The following BARD1 variants were observed in gnomAD, a reference collection of about 807,000 sequenced individuals.
BARD1 encodes BRCA1-associated RING domain protein 1.
BARD1 carries 73 observed loss-of-function variants against 77.0 expected under a neutral mutation model. That is an observed-to-expected ratio of 0.95 (90% confidence interval 0.79 to 1.15). The LOEUF (loss-of-function observed/expected upper bound fraction) is 1.15. BARD1 is among the 50% of genes most tolerant of loss of function. BARD1 has a pLI of 0.00. For synonymous variants in BARD1, 384 were observed against 338.0 expected, an observed-to-expected ratio of 1.14 and a Z score of -1.49; for missense variants, 993 against 938.8, an observed-to-expected ratio of 1.06 and a Z score of -0.75.
At chr2:214,762,922 C>A (rs894632437) in intron 6 of BARD1, among the ~76,000 whole-genome samples, 23 of 141,434 alleles carry the variant, frequency 1.6e-4, no homozygotes, top group Non-Finnish European at 9.1e-5. Flanking sequence ...TTTGATTTGA[C>A]TCTCATCACT....
chr2:214,783,201 G>A (rs1354079595), intron 3 of BARD1, among the ~76,000 whole-genome samples: 1 of 151,988 alleles, frequency 6.6e-6, no homozygotes, highest in Non-Finnish European at 1.5e-5. Flanking sequence ...ATCTGCATTT[G>A]ACCAAAAAAA....
At position 214,792,315 on chromosome 2, in the gene BARD1, G is replaced by A. The variant is rs144856889; in HGVS notation, c.346C>T (p.His116Tyr). 2.5e-4 allele frequency: 401 copies of A among 1,613,432 alleles called. No homozygotes were observed. Among genetic ancestry groups the A allele is most frequent in the Non-Finnish European group, 2.2e-4 (257 of 1,179,694 alleles). ...TTCTTACCTGACAGCTCATTGTCATGTAGCAAATTTCGAAGCTTACTACAA... is the reference window on the plus strand; with the variant it reads ...TTCTTACCTGACAGCTCATTGTCATATAGCAAATTTCGAAGCTTACTACAA... ...QLCSKLRNLL[H>Y]DNELSDLKED... Residue 116 changes from histidine to tyrosine, a missense_variant, in exon 3 of 11, where the codon CAT (histidine) becomes TAT (tyrosine). His to Tyr is a moderately conservative substitution (Grantham distance 83). Transcript: ENST00000260947.
chr2:214,796,823 G>A (rs1695774292), intron 2 of BARD1: 5 of 502,378 alleles, frequency 1.0e-5, no homozygotes, highest in Non-Finnish European at 1.8e-5. Flanking sequence ...CTCCAATTTG[G>A]CAAAGCTGTC....
chr2:214,751,151 A>ATTT (rs60746999), intron 7 of BARD1, among the ~76,000 whole-genome samples: 16 of 37,186 alleles, frequency 4.3e-4, no homozygotes, highest in South Asian at 1.1e-3. Flanking sequence ...ATATATATAT[A>ATTT]TTTTTTTTTT....
At chr2:214,771,380 T>C (rs573412586) in intron 4 of BARD1, among the ~76,000 whole-genome samples, 1 of 152,308 alleles carries the variant, frequency 6.6e-6, no homozygotes, top group Admixed American at 6.5e-5. Context: ...GTTGGTTTGA[T>C]AATGTAGAAA....
intron 1 of BARD1, among the ~76,000 whole-genome samples, chr2:214,799,477 T>C (rs1052960390): frequency 1.3e-5 from 2 of 152,192 alleles, no homozygotes; most frequent in Non-Finnish European, 2.9e-5. Flanking sequence ...TGGAACTTAA[T>C]GGTGTAAGTT....
At chr2:214,739,220 C>T (rs1043252760) in intron 9 of BARD1, among the ~76,000 whole-genome samples, 3 of 151,298 alleles carry the variant, frequency 2.0e-5, no homozygotes, top group African/African-American at 7.3e-5. Flanking sequence ...GAATTAACCA[C>T]TTTTAGTCAA....
chr2:214,805,642 T>C (rs1341492062), intron 1 of BARD1, among the ~76,000 whole-genome samples: 1 of 152,120 alleles, frequency 6.6e-6, no homozygotes, highest in Non-Finnish European at 1.5e-5. Flanking sequence ...ACCTAAATAA[T>C]GGAGCCAGGA....
At chr2:214,769,441 A>C in intron 4 of BARD1, 129 bp from the exon 5 acceptor site, 1 of 764,712 alleles carries the variant, frequency 1.3e-6, no homozygotes. Flanking sequence ...GCTACTGTTC[A>C]TGAGTTAATA....
At position 214,745,907 on chromosome 2, in the gene BARD1, A is replaced by T. The variant is rs1329251869; in HGVS notation, c.1678-53T>A. ...TTAAAAACATTAGACGACTAGACAA[A>T]GACATTAAACAGACTGTTACTTGAT... On this transcript the variant is annotated intron_variant, in intron 7 of 10. Coordinates refer to ENST00000260947, the MANE Select transcript of BARD1 (RefSeq NM_000465.4). 1.4e-5 allele frequency: 23 copies of T among 1,592,434 alleles called. No homozygotes were observed. The Admixed American group carries it at 3.7e-4, about 25-fold the overall frequency.
chr2:214,806,126 T>C (rs753949075), intron 1 of BARD1, among the ~76,000 whole-genome samples: 1 of 152,158 alleles, frequency 6.6e-6, no homozygotes, highest in Non-Finnish European at 1.5e-5. Flanking sequence ...TCTTGAACAC[T>C]TTCATCGGCT....
chr2:214,805,767 GAA>G (rs113953659), intron 1 of BARD1, among the ~76,000 whole-genome samples: 8,469 of 142,984 alleles, frequency 0.059, 424 homozygotes, highest in African/African-American at 0.14. Flanking sequence ...CAAGAACTCA[GAA>G]AAAAAAAAAT....
chr2:214,733,683 T>G (rs1692450985), intron 9 of BARD1, among the ~76,000 whole-genome samples: 1 of 152,198 alleles, frequency 6.6e-6, no homozygotes, highest in South Asian at 2.1e-4. Flanking sequence ...GTGCTTAATT[T>G]TAAATGAAAT....
intron 1 of BARD1, among the ~76,000 whole-genome samples, chr2:214,799,315 A>G (rs1332637583): frequency 1.3e-5 from 2 of 152,096 alleles, no homozygotes; most frequent in Non-Finnish European, 2.9e-5. Flanking sequence ...ATATTAAAAT[A>G]AAATAAAATA....
At chr2:214,769,368 T>C (rs1694370772) in intron 4 of BARD1, 56 bp from the exon 5 acceptor site, 6 of 1,395,982 alleles carry the variant, frequency 4.3e-6, no homozygotes, top group South Asian at 1.2e-5. Flanking sequence ...AAGGAAAATA[T>C]TGAGCTTTTT....
intron 4 of BARD1, among the ~76,000 whole-genome samples, chr2:214,780,189 T>A (rs1488627103): frequency 6.6e-6 from 1 of 152,204 alleles, no homozygotes; most frequent in Non-Finnish European, 1.5e-5. Context: ...ATGGGCTTTT[T>A]TACTAAGTAA....
chr2:214,786,508 C>T (rs1006282614), intron 3 of BARD1, among the ~76,000 whole-genome samples: 1 of 151,860 alleles, frequency 6.6e-6, no homozygotes, highest in Non-Finnish European at 1.5e-5. Flanking sequence ...TACAAAAGTC[C>T]TATCTTCAAA....
At chr2:214,762,494 G>A (rs1694009854) in intron 6 of BARD1, among the ~76,000 whole-genome samples, 1 of 152,088 alleles carries the variant, frequency 6.6e-6, no homozygotes, top group Non-Finnish European at 1.5e-5. Flanking sequence ...TTAAACAAAT[G>A]GAGACATGCA....
chr2:214,741,322 G>C (rs771996311), intron 9 of BARD1, among the ~76,000 whole-genome samples: 29 of 152,004 alleles, frequency 1.9e-4, no homozygotes, highest in Non-Finnish European at 3.4e-4. Flanking sequence ...CCTTCATAAT[G>C]AGATAAGAAA....
Sources: allele counts gnomAD v4.1 joint callset (sites outside exome capture counted in the v4.1 genomes callset), GRCh38; gene constraint gnomAD v4.1.1; transcripts MANE v1.5; gene names NCBI Gene and HGNC (gene_info 2026-07-23, HGNC 2026-07-21).